SUSD1: variants seen among roughly 807,000 people sequenced by gnomAD.
SUSD1 encodes sushi domain-containing protein 1.
Under a neutral mutation model 86.9 loss-of-function variants are expected in SUSD1, and 65 were observed. That is an observed-to-expected ratio of 0.75 (90% CI 0.61 to 0.92). The LOEUF (loss-of-function observed/expected upper bound fraction) is 0.92, where lower values mean the gene tolerates loss of function less well. Ranked by LOEUF, SUSD1 falls within the 40% of genes least tolerant of loss-of-function variation. The pLI, the probability that SUSD1 is intolerant of heterozygous loss-of-function variation, is 0.00. For missense variants in SUSD1, 850 were observed against 929.7 expected, an observed-to-expected ratio of 0.91 and a Z score of 1.11; for synonymous variants, 346 against 350.0, an observed-to-expected ratio of 0.99 and a Z score of 0.13.
chr9:112,157,750 C>A, intron 1 of SUSD1, 137 bp from the exon 2 acceptor site: 1 of 570,462 alleles, frequency 1.8e-6, no homozygotes, highest in Non-Finnish European at 3.1e-6. Flanking sequence ...CCTTAAAAAC[C>A]TTCAGTGGCT....
chr9:112,138,527 C>CGG, intron 5 of SUSD1, among the ~76,000 whole-genome samples: 1 of 149,742 alleles, frequency 6.7e-6, no homozygotes, highest in African/African-American at 2.5e-5. Flanking sequence ...GGCACAATCT[C>CGG]AGCTCACAGC....
intron 8 of SUSD1, among the ~76,000 whole-genome samples, chr9:112,109,114 A>C (rs774691092): frequency 1.3e-5 from 2 of 152,164 alleles, no homozygotes; most frequent in Non-Finnish European, 2.9e-5. Flanking sequence ...TTTTTAGAAA[A>C]ATATAAAAAT....
rs373019017 is a variant in SUSD1, at chr9:112,135,733, ACC to A, written c.706+6585_706+6586del. Among the ~76,000 whole-genome samples, 63 of 151,846 alleles carry A rather than the reference ACC, an allele frequency of 4.1e-4. No homozygotes were observed. In the East Asian group the frequency reaches 8.7e-3, roughly 21 times the overall value. On this transcript the variant is annotated intron_variant, in intron 5 of 16. Transcript: ENST00000374270. ...AAGACCTTATGTTTTTGATGAGGAG[ACC>A]TGCCACTCCTCACTAGAAAATGGCC...
At position 112,080,085 on chromosome 9, in the gene SUSD1, C is replaced by A; in HGVS notation, c.1555G>T (p.Glu519Ter). The A allele has an allele frequency of 6.2e-7, 1 of 1,611,308 alleles. No individual in the cohort carries two copies. The highest frequency in any genetic ancestry group is 1.1e-5 in the South Asian group (1 of 90,602). Residue 519 changes from glutamate to a stop codon, truncating the protein, a stop_gained, in exon 11 of 17, where the codon GAG becomes TAG. Coordinates refer to ENST00000374270, the MANE Select transcript of SUSD1 (RefSeq NM_022486.5). LOFTEE classifies it high-confidence loss of function. ...TTTCAGTCACTTACTAAATACATCT[C>A]CTCCATATCAGCTGTCTTGATGCTT... ...WRSIKTADME[E>*]MYLFHIWGQR... is the part of the protein sequence containing the mutation.
chr9:112,141,751 A>ATAT (rs1554771387), intron 5 of SUSD1, among the ~76,000 whole-genome samples: 40 of 143,616 alleles, frequency 2.8e-4, no homozygotes, highest in African/African-American at 1.0e-3. Context: ...TATTACATGT[A>ATAT]ATATATAATA....
At chr9:112,156,483 T>C (rs1833329263) in intron 2 of SUSD1, among the ~76,000 whole-genome samples, 1 of 151,518 alleles carries the variant, frequency 6.6e-6, no homozygotes. Flanking sequence ...AAATACTCAC[T>C]GAAGCTTCGA....
intron 8 of SUSD1, among the ~76,000 whole-genome samples, chr9:112,108,104 T>C (rs1830926483): frequency 1.3e-5 from 2 of 152,160 alleles, no homozygotes; most frequent in Admixed American, 6.5e-5. Flanking sequence ...AATCTACCAC[T>C]GTATACAATG....
rs1394892850 is a variant in SUSD1, at chr9:112,124,524, T to C, written c.707-88A>G. 12 of 1,262,036 alleles carry C rather than the reference T, an allele frequency of 9.5e-6. No individual in the cohort carries two copies. In the South Asian group the frequency reaches 1.6e-4, roughly 17 times the overall value. The allele number at this position is 1,262,036 out of a possible 1,614,324, so 78.2% of individuals were successfully genotyped here. On this transcript the variant is annotated intron_variant, in intron 5 of 16. Transcript: ENST00000374270. ...CTTTAAAATAAATATTTAATAGTGA[T>C]AGAGGCCACTCAAACAGGAAAAGAG...
chr9:112,155,824 A>G (rs1833276337), intron 2 of SUSD1, among the ~76,000 whole-genome samples: 1 of 151,606 alleles, frequency 6.6e-6, no homozygotes, highest in African/African-American at 2.4e-5. Context: ...GGAAGAAGAA[A>G]AGGAAGAAGA....
intron 9 of SUSD1, among the ~76,000 whole-genome samples, chr9:112,101,090 G>A (rs965934266): frequency 9.9e-5 from 15 of 151,268 alleles, no homozygotes; most frequent in East Asian, 4.0e-4. Flanking sequence ...GCCTGGGCGC[G>A]GTGGCTCACA....
chr9:112,162,788 C>T (rs1307533516), intron 1 of SUSD1, among the ~76,000 whole-genome samples: 2 of 152,164 alleles, frequency 1.3e-5, no homozygotes, highest in South Asian at 2.1e-4. Context: ...CCCCTTAGAT[C>T]GCTATCTCTC....
At chr9:112,065,569 C>G (rs962125607) in intron 12 of SUSD1, among the ~76,000 whole-genome samples, 1 of 152,136 alleles carries the variant, frequency 6.6e-6, no homozygotes, top group Non-Finnish European at 1.5e-5. Context: ...ATTTTACAAA[C>G]ACATCAGCTC....
At chr9:112,139,036 G>C (rs1261313092) in intron 5 of SUSD1, among the ~76,000 whole-genome samples, 1 of 152,136 alleles carries the variant, frequency 6.6e-6, no homozygotes, top group African/African-American at 2.4e-5. Flanking sequence ...GAAAGAAAAA[G>C]AATGGACATG....
chr9:112,116,631 T>C (rs1831337893), intron 6 of SUSD1, among the ~76,000 whole-genome samples: 1 of 152,184 alleles, frequency 6.6e-6, no homozygotes, highest in Non-Finnish European at 1.5e-5. Context: ...AAAAGTACTC[T>C]TGAAAGTCAT....
In SUSD1 at chr9:112,102,295, AAG is replaced by A. The variant is rs765356801; in HGVS notation, c.1172-12_1172-11del. 6.8e-6 allele frequency: 10 copies of A among 1,481,366 alleles called. No individual in the cohort carries two copies. Among genetic ancestry groups the A allele is most frequent in the Admixed American group, 1.9e-5 (1 of 53,176 alleles). 91.8% of individuals were successfully genotyped at this position (1,481,366 alleles called of 1,614,324 possible). A position where few individuals can be genotyped will look rare whatever the true frequency, so the allele number is the denominator to read the frequency against. ...TCTAAGAGATCAACTTCTAAAAGAC[AAG>A]AGAGAGAGTTATAGACAGCTTGCAC... On this transcript the variant is annotated splice_polypyrimidine_tract_variant and intron_variant, in intron 8 of 16. Coordinates refer to ENST00000374270, the MANE Select transcript of SUSD1 (RefSeq NM_022486.5).
chr9:112,051,398 T>TTTTTCTTTTC, intron 15 of SUSD1, among the ~76,000 whole-genome samples: 2 of 143,106 alleles, frequency 1.4e-5, no homozygotes, highest in African/African-American at 5.5e-5. Flanking sequence ...AGGGAAGAAG[T>TTTTTCTTTTC]TTTTCTTTTC....
intron 10 of SUSD1, among the ~76,000 whole-genome samples, chr9:112,081,461 G>A (rs1037828659): frequency 4.6e-5 from 7 of 152,212 alleles, no homozygotes; most frequent in African/African-American, 1.7e-4. Flanking sequence ...AGGAACAGGA[G>A]GAGTACAGAT....
chr9:112,087,263 C>A (rs1830023474), intron 10 of SUSD1, among the ~76,000 whole-genome samples: 1 of 152,202 alleles, frequency 6.6e-6, no homozygotes, highest in Non-Finnish European at 1.5e-5. Context: ...CCTCTGCTCA[C>A]TGAACCCTGC....
At chr9:112,068,942 C>T (rs951547771) in intron 12 of SUSD1, among the ~76,000 whole-genome samples, 4 of 151,944 alleles carry the variant, frequency 2.6e-5, no homozygotes, top group Non-Finnish European at 5.9e-5. Flanking sequence ...TGTCATTTAC[C>T]AAGTCTGGGG....
Sources: allele counts gnomAD v4.1 joint callset (sites outside exome capture counted in the v4.1 genomes callset), GRCh38; gene constraint gnomAD v4.1.1; transcripts MANE v1.5; gene names NCBI Gene and HGNC (gene_info 2026-07-23, HGNC 2026-07-21).